Variants in CFAP74 observed in about 807,000 individuals in gnomAD.
The protein encoded by CFAP74 is cilia- and flagella-associated protein 74.
In CFAP74, 124 loss-of-function variants were observed where a neutral mutation model predicts 188.9. The ratio of observed to expected loss-of-function variants is 0.66; its 90% confidence interval spans 0.57 to 0.76. The LOEUF is 0.76. Among genes scored for constraint, CFAP74 ranks in the 30% least tolerant of loss-of-function variants. CFAP74 has a pLI of 0.00. For missense variants in CFAP74, 2,198 were observed against 2,165.2 expected (o/e 1.02, Z -0.30); for synonymous variants, 956 against 916.7 (o/e 1.04, Z -0.77).
intron 6 of CFAP74, among the ~76,000 whole-genome samples, chr1:1,983,480 C>T (rs755821581): frequency 1.3e-5 from 2 of 152,184 alleles, no homozygotes; most frequent in African/African-American, 2.4e-5. Context: ...CGGGACAGCC[C>T]CTGGCCTGCA....
chr1:1,946,544 A>C (rs1570883125), intron 19 of CFAP74, 105 bp from the exon 20 acceptor site: 6 of 1,393,414 alleles, frequency 4.3e-6, no homozygotes, highest in Non-Finnish European at 5.7e-6. Flanking sequence ...AGGTGGCAGG[A>C]CCCGTGTCCC....
At chr1:1,988,085 A>G (rs1177393155) in intron 4 of CFAP74, 1 of 470,908 alleles carries the variant, frequency 2.1e-6, no homozygotes, top group Non-Finnish European at 4.4e-6. Flanking sequence ...CTGGGACCAC[A>G]GGCGTGCGCC....
chr1:1,972,054 T>C lies in CFAP74; in HGVS notation c.814A>G (p.Met272Val). The C allele has an allele frequency of 6.2e-7, 1 of 1,612,946 alleles. No homozygotes were observed. Among genetic ancestry groups the C allele is most frequent in the Non-Finnish European group, 8.5e-7 (1 of 1,179,906 alleles). ...RIREQEKKEE[M>V]ECHEYMRRRM... ...CGCCTCATGTACTCGTGGCACTCCA[T>C]CTCCTCCTTCTTCTCTTGCTCTCGG... is the stretch of plus-strand genomic sequence containing the variant. Residue 272 changes from methionine to valine, a missense_variant, in exon 9 of 39, where the codon ATG becomes GTG. Coordinates refer to ENST00000682832, the MANE Select transcript of CFAP74 (RefSeq NM_001304360.2).
chr1:1,996,985 A>T (rs887221343), intron 1 of CFAP74, among the ~76,000 whole-genome samples: 10 of 151,842 alleles, frequency 6.6e-5, no homozygotes, highest in Admixed American at 2.0e-4. Flanking sequence ...GTGATAGAGT[A>T]TATATATACC....
At chr1:1,985,546 C>T (rs1048814669) in intron 5 of CFAP74, 56 bp from the exon 6 acceptor site, 12 of 1,391,700 alleles carry the variant, frequency 8.6e-6, no homozygotes, top group Non-Finnish European at 1.0e-6. Flanking sequence ...ATCCAGGGGC[C>T]ATCCAGGTTC....
intron 26 of CFAP74, 139 bp from the exon 27 acceptor site, chr1:1,929,021 T>TGACC: frequency 1.6e-6 from 1 of 615,842 alleles, no homozygotes. Flanking sequence ...TGCGTGCCCC[T>TGACC]TCAGGAAGCC....
In CFAP74 at chr1:1,925,848, T is replaced by C. The variant is rs1651844815; in HGVS notation, c.4039A>G (p.Ile1347Val). 1.9e-6 allele frequency: 3 copies of C among 1,612,564 alleles called. No homozygotes were observed. In the South Asian group the frequency reaches 3.3e-5, roughly 18 times the overall value. Residue 1347 changes from isoleucine (I) to valine (V), a missense_variant, in exon 33 of 39, where the codon ATT becomes GTT. Transcript: ENST00000682832. ...CCCATGTTGAGGACGCTGCCTTCAA[T>C]GGAGCACGTGATCATGGACGCCACG... ...TGVASMITCS[I>V]EGSVLNMGYV...
chr1:1,926,076 G>T, intron 32 of CFAP74, 138 bp from the exon 33 acceptor site: 1 of 1,403,338 alleles, frequency 7.1e-7, no homozygotes, highest in Non-Finnish European at 9.5e-7. Context: ...CTCACTTGGC[G>T]GCTGGTGTGA....
At chr1:1,955,032 A>T in intron 18 of CFAP74, 1 of 1,033,320 alleles carries the variant, frequency 9.7e-7, no homozygotes, top group Non-Finnish European at 1.2e-6. Context: ...AGTGCGGCTC[A>T]CACCGGAAGT....
intron 14 of CFAP74, among the ~76,000 whole-genome samples, chr1:1,962,403 G>A (rs1655152214): frequency 6.6e-6 from 1 of 150,526 alleles, no homozygotes; most frequent in African/African-American, 2.4e-5. Context: ...TTGAACCCAG[G>A]AGGCAGAGGT....
At chr1:1,994,106 C>T (rs933534411) in intron 1 of CFAP74, among the ~76,000 whole-genome samples, 1 of 149,826 alleles carries the variant, frequency 6.7e-6, no homozygotes. Flanking sequence ...TCGAGGCTGC[C>T]GTGAGCTGTG....
At chr1:1,928,683 C>G (rs567271274) in intron 27 of CFAP74, 101 bp downstream of exon 27, 2 of 815,856 alleles carry the variant, frequency 2.5e-6, no homozygotes, top group African/African-American at 1.7e-5. Context: ...CCTGTGCTCC[C>G]GGCACGTGGC....
chr1:1,957,766 C>CG (rs199908981), intron 16 of CFAP74, among the ~76,000 whole-genome samples: 13 of 141,050 alleles, frequency 9.2e-5, no homozygotes, highest in South Asian at 2.3e-4. Context: ...TGGCTGTCTG[C>CG]GGGGGGGCGG....
intron 18 of CFAP74, among the ~76,000 whole-genome samples, chr1:1,949,675 G>A (rs571929547): frequency 1.0e-3 from 154 of 152,108 alleles, no homozygotes; most frequent in African/African-American, 3.5e-3. Flanking sequence ...CCTTTCCCCT[G>A]CCCCAGCAAC....
intron 10 of CFAP74, among the ~76,000 whole-genome samples, chr1:1,969,676 G>A (rs929792759): frequency 3.9e-5 from 6 of 152,248 alleles, no homozygotes; most frequent in South Asian, 2.1e-4. Context: ...GCTAAGGGAT[G>A]TATAGGCGGT....
chr1:1,953,456 T>G (rs1262130770), intron 18 of CFAP74: 4 of 152,194 alleles, frequency 2.6e-5, no homozygotes, highest in Non-Finnish European at 5.9e-5. Context: ...CCACCACGCC[T>G]GGCTAATTTT....
chr1:1,955,982 T>G (rs1654594054), intron 17 of CFAP74, 132 bp from the exon 18 acceptor site: 2 of 1,422,748 alleles, frequency 1.4e-6, no homozygotes, highest in East Asian at 5.0e-5. Context: ...CTCAGCTGCC[T>G]CCTCGGCTGC....
In CFAP74 at chr1:1,988,864, C is replaced by T. The variant is rs748905387; in HGVS notation, c.152+25G>A. 1.7e-5 allele frequency: 16 copies of T among 949,116 alleles called. No individual in the cohort carries two copies. The East Asian group carries it at 2.5e-4, about 15-fold the overall frequency. 58.8% of individuals were successfully genotyped at this position (949,116 alleles called of 1,614,324 possible). Reference sequence around the variant, plus strand: ...CCCACCCCCACCCCCCCACACCCACCTCCACCCCCGATCCTCCGAGTTACC... The same window carrying T: ...CCCACCCCCACCCCCCCACACCCACTTCCACCCCCGATCCTCCGAGTTACC... On this transcript the variant is annotated intron_variant, in intron 3 of 38. Coordinates refer to ENST00000682832, the MANE Select transcript of CFAP74 (RefSeq NM_001304360.2).
At chr1:1,932,224 G>A (rs188860648) in intron 25 of CFAP74, among the ~76,000 whole-genome samples, 1,927 of 151,412 alleles carry the variant, frequency 0.013, 34 homozygotes, top group African/African-American at 0.044. Context: ...GTGAAACCCC[G>A]TCTCTACTAA....
Sources: gnomAD v4.1 joint callset for allele counts (sites outside exome capture counted in the v4.1 genomes callset) on GRCh38, gnomAD v4.1.1 for gene constraint, MANE v1.5 for transcripts, NCBI Gene and HGNC (gene_info 2026-07-23, HGNC 2026-07-21) for gene names.